Variants in PELI2 observed in about 807,000 individuals in gnomAD.
The protein encoded by PELI2 is pellino E3 ubiquitin protein ligase family member 2.
PELI2 carries 23 observed loss-of-function variants against 42.3 expected under a neutral mutation model. That is an observed-to-expected ratio of 0.54 (90% CI 0.39 to 0.77). The LOEUF is 0.77. Ranked by LOEUF, PELI2 falls within the 30% of genes least tolerant of loss-of-function variation. The pLI, the probability that PELI2 is intolerant of heterozygous loss-of-function variation, is 0.00. For synonymous variants in PELI2, 245 were observed against 212.2 expected (o/e 1.15, Z -1.34); for missense variants, 463 against 553.2 (o/e 0.84, Z 1.64).
At chr14:56,125,442 A>G (rs988138354) in intron 1 of PELI2, among the ~76,000 whole-genome samples, 2 of 151,968 alleles carry the variant, frequency 1.3e-5, no homozygotes, top group Admixed American at 1.3e-4. Flanking sequence ...GGCAGGGTGA[A>G]ATGCTAGGGA....
intron 2 of PELI2, among the ~76,000 whole-genome samples, chr14:56,192,350 G>A (rs1396980029): frequency 1.3e-5 from 2 of 152,146 alleles, no homozygotes; most frequent in Non-Finnish European, 1.5e-5. Flanking sequence ...ACATGAAAAG[G>A]TTTAGGAATA....
At chr14:56,137,587 G>A (rs192927990) in intron 1 of PELI2, among the ~76,000 whole-genome samples, 135 of 152,186 alleles carry the variant, frequency 8.9e-4, no homozygotes, top group African/African-American at 3.0e-3. Flanking sequence ...AGAAAAGTGC[G>A]TCGTTTCCCC....
At chr14:56,154,833 C>T in intron 1 of PELI2, among the ~76,000 whole-genome samples, 1 of 152,156 alleles carries the variant, frequency 6.6e-6, no homozygotes, top group Non-Finnish European at 1.5e-5. Context: ...ATGATTGTTG[C>T]TAAATTACTT....
At chr14:56,295,690 G>A (rs1455218583) in intron 5 of PELI2, among the ~76,000 whole-genome samples, 3 of 152,200 alleles carry the variant, frequency 2.0e-5, no homozygotes, top group Non-Finnish European at 4.4e-5. Flanking sequence ...AGGGGAAACT[G>A]AGGCACGAGG....
At chr14:56,184,316 C>G (rs1200769798) in intron 2 of PELI2, among the ~76,000 whole-genome samples, 1 of 151,668 alleles carries the variant, frequency 6.6e-6, no homozygotes, top group Non-Finnish European at 1.5e-5. Flanking sequence ...ATATATAAAC[C>G]AAATACAGGA....
intron 1 of PELI2, among the ~76,000 whole-genome samples, chr14:56,169,215 C>T (rs1231795290): frequency 2.0e-5 from 3 of 152,184 alleles, no homozygotes; most frequent in Non-Finnish European, 2.9e-5. Flanking sequence ...TGTGTCCCTC[C>T]TCTCCCTGCC....
chr14:56,186,294 G>A (rs941559017), intron 2 of PELI2, among the ~76,000 whole-genome samples: 5 of 152,140 alleles, frequency 3.3e-5, no homozygotes, highest in African/African-American at 9.7e-5. Context: ...GTAATCACAT[G>A]GAACTCAATC....
At chr14:56,261,004 G>T (rs1888695703) in intron 2 of PELI2, among the ~76,000 whole-genome samples, 1 of 152,018 alleles carries the variant, frequency 6.6e-6, no homozygotes, top group Non-Finnish European at 1.5e-5. Context: ...CTAGATATTT[G>T]AAGGACTCTA....
intron 2 of PELI2, among the ~76,000 whole-genome samples, chr14:56,242,852 G>A (rs1888023760): frequency 6.6e-6 from 1 of 152,132 alleles, no homozygotes; most frequent in Admixed American, 6.5e-5. Context: ...GGATTCAGGG[G>A]GGAAGAGAGA....
chr14:56,228,205 C>G (rs1211016290), intron 2 of PELI2, among the ~76,000 whole-genome samples: 1 of 152,176 alleles, frequency 6.6e-6, no homozygotes, highest in Admixed American at 6.5e-5. Flanking sequence ...GGATATTAAG[C>G]ATTTCTAGTT....
chr14:56,205,648 GTAAA>G, intron 2 of PELI2, among the ~76,000 whole-genome samples: 1 of 152,318 alleles, frequency 6.6e-6, no homozygotes, highest in South Asian at 2.1e-4. Context: ...AGTTTTGAAA[GTAAA>G]TAAAATGTTT....
intron 1 of PELI2, among the ~76,000 whole-genome samples, chr14:56,167,710 C>T (rs1317314652): frequency 6.6e-6 from 1 of 152,122 alleles, no homozygotes; most frequent in Non-Finnish European, 1.5e-5. Flanking sequence ...GTCATGTTTT[C>T]CTGGATCGTG....
rs1321162344 is a variant in PELI2, at chr14:56,180,549, C to G, written c.207+2085C>G. ...AGAGAGAGACTCTGATAGGTCTCCC[C>G]TGGGTCACCGAACTATGACCAAGGG... On this transcript the variant is annotated intron_variant, in intron 2 of 5. Transcript: ENST00000267460. The surrounding 1 kb of genome is among the most constrained non-coding windows in gnomAD (Gnocchi z 4.4). Among the ~76,000 whole-genome samples, 1 of 152,152 alleles carries G rather than the reference C, an allele frequency of 6.6e-6. No individual in the cohort carries two copies. The highest frequency in any genetic ancestry group is 1.9e-4 in the East Asian group (1 of 5,184).
intron 1 of PELI2, among the ~76,000 whole-genome samples, chr14:56,167,696 TG>T (rs1885013543): frequency 6.6e-6 from 1 of 152,216 alleles, no homozygotes. Flanking sequence ...GTTCATTTGG[TG>T]AGGTCATGTT....
intron 1 of PELI2, among the ~76,000 whole-genome samples, chr14:56,166,543 G>C (rs753407435): frequency 2.6e-5 from 4 of 152,170 alleles, no homozygotes; most frequent in African/African-American, 4.8e-5. Context: ...AGCATTTCTT[G>C]TAGGAGGGGT....
intron 1 of PELI2, among the ~76,000 whole-genome samples, chr14:56,175,536 A>G (rs557388358): frequency 1.3e-5 from 2 of 152,332 alleles, no homozygotes; most frequent in South Asian, 4.1e-4. Flanking sequence ...ACCTAATTAG[A>G]AACTTGTCTC....
rs192429502 is a variant in PELI2 at position 56,291,086 on chromosome 14, A to C, written c.696+630A>C. Reference sequence around the variant, plus strand: ...CATTCTTTCTTGGAGAATAATTATAATACCTTAAATATAGAACTTTGGGTT... The same window carrying C: ...CATTCTTTCTTGGAGAATAATTATACTACCTTAAATATAGAACTTTGGGTT... On this transcript the variant is annotated intron_variant, in intron 5 of 5. Transcript: ENST00000267460. Among the ~76,000 whole-genome samples, 7 of 152,314 alleles carry C rather than the reference A, an allele frequency of 4.6e-5. No homozygotes were observed. In the East Asian group the frequency reaches 1.4e-3, roughly 29 times the overall value.
intron 1 of PELI2, among the ~76,000 whole-genome samples, chr14:56,176,838 T>A (rs1484009325): frequency 6.6e-6 from 1 of 152,238 alleles, no homozygotes; most frequent in Non-Finnish European, 1.5e-5. Flanking sequence ...GTGAAAATGT[T>A]CCTCTAAGTT....
At chr14:56,295,875 A>G (rs1048567389) in intron 5 of PELI2, among the ~76,000 whole-genome samples, 1 of 152,246 alleles carries the variant, frequency 6.6e-6, no homozygotes, top group African/African-American at 2.4e-5. Context: ...AGCAAGTCTC[A>G]GCAGGATGGG....
Sources: allele counts gnomAD v4.1 joint callset (sites outside exome capture counted in the v4.1 genomes callset), GRCh38; gene constraint gnomAD v4.1.1; non-coding constraint Gnocchi (gnomAD v3.1); transcripts MANE v1.5; gene names NCBI Gene and HGNC (gene_info 2026-07-23, HGNC 2026-07-21).